Variants in UBE2E1 observed in about 807,000 individuals in gnomAD.
The protein encoded by UBE2E1 is ubiquitin conjugating enzyme E2 E1.
UBE2E1 carries 6 observed loss-of-function variants against 21.4 expected under a neutral mutation model. The observed-to-expected ratio is 0.28, with a 90% CI of 0.15 to 0.55. UBE2E1 has a LOEUF of 0.55. Ranked by LOEUF, UBE2E1 falls within the 20% of genes least tolerant of loss-of-function variation. The pLI, the probability that UBE2E1 is intolerant of heterozygous loss-of-function variation, is 0.93. For synonymous variants in UBE2E1, 87 were observed against 82.7 expected (o/e 1.05, Z -0.28); for missense variants, 142 against 236.5 (o/e 0.60, Z 2.62).
chr3:23,843,975 G>A (rs1162932393), intron 3 of UBE2E1, among the ~76,000 whole-genome samples: 1 of 152,056 alleles, frequency 6.6e-6, no homozygotes, highest in Non-Finnish European at 1.5e-5. Flanking sequence ...CTGACTTAAC[G>A]ATATCTTCTT....
In UBE2E1 at chr3:23,870,047, T is replaced by C. The variant is rs1658788984; in HGVS notation, c.204-17520T>C. ...GTTACAGGGGCTAGGACTGGAGTCATGTGAAGCCTTCCTCACTTTTACATG... is the reference window on the plus strand; with the variant it reads ...GTTACAGGGGCTAGGACTGGAGTCACGTGAAGCCTTCCTCACTTTTACATG... On this transcript the variant is annotated intron_variant, in intron 3 of 5. Coordinates refer to ENST00000306627, the MANE Select transcript of UBE2E1 (RefSeq NM_003341.5). This position sits in a 1 kb window ranked among gnomAD's most constrained non-coding sequence, Gnocchi z 4.2. Among the ~76,000 whole-genome samples the C allele has an allele frequency of 6.6e-6, 1 of 152,212 alleles. No individual in the cohort carries two copies. The highest frequency in any genetic ancestry group is 6.5e-5 in the Admixed American group (1 of 15,282).
intron 5 of UBE2E1, 36 bp from the exon 6 acceptor site, chr3:23,890,473 C>A: frequency 6.3e-7 from 1 of 1,593,178 alleles, no homozygotes; most frequent in South Asian, 1.1e-5. Context: ...ATGTTCTTTT[C>A]CTTTCTCCAA....
rs974490342 is a variant in UBE2E1, at chr3:23,863,226, A to C, written c.204-24341A>C. On this transcript the variant is annotated intron_variant, in intron 3 of 5. Transcript: ENST00000306627. This position sits in a 1 kb window ranked among gnomAD's most constrained non-coding sequence, Gnocchi z 4.3. Reference sequence around the variant, plus strand: ...TGATTCATGACAATGGATGATGACAACTTAGTTCTTTCCTACCTAGTCACA... The same window carrying C: ...TGATTCATGACAATGGATGATGACACCTTAGTTCTTTCCTACCTAGTCACA... Among the ~76,000 whole-genome samples, 1 of 152,114 alleles carries C rather than the reference A, an allele frequency of 6.6e-6. No individual in the cohort carries two copies. The highest frequency in any genetic ancestry group is 2.4e-5 in the African/African-American group (1 of 41,412).
At chr3:23,861,245 G>A (rs1390578019) in intron 3 of UBE2E1, among the ~76,000 whole-genome samples, 1 of 152,180 alleles carries the variant, frequency 6.6e-6, no homozygotes, top group Admixed American at 6.5e-5. Context: ...CAGTGCTCTT[G>A]TCCAGGTTGT....
Position 23,810,418 on chromosome 3 carries a change from CG to C in UBE2E1, c.153-1040del. 6.5e-7 allele frequency: 1 copy of C among 1,534,006 alleles called. No homozygotes were observed. Among genetic ancestry groups the C allele is most frequent in the Middle Eastern group, 1.7e-4 (1 of 5,988 alleles). On this transcript the variant is annotated intron_variant, in intron 2 of 5. Coordinates refer to ENST00000306627, the MANE Select transcript of UBE2E1 (RefSeq NM_003341.5). The surrounding 1 kb of genome is among the most constrained non-coding windows in gnomAD (Gnocchi z 5.8). Reference sequence around the variant, plus strand: ...CCCTTTGTGAAGTCGAGGGTTGGTGCGGAGGGAGAAAACTGCAGGTCTCCAG... The same window carrying C: ...CCCTTTGTGAAGTCGAGGGTTGGTGCGAGGGAGAAAACTGCAGGTCTCCAG...
intron 3 of UBE2E1, among the ~76,000 whole-genome samples, chr3:23,826,325 T>C (rs751187091): frequency 3.3e-5 from 5 of 152,262 alleles, no homozygotes; most frequent in Non-Finnish European, 7.3e-5. Flanking sequence ...TGTGAATGTT[T>C]GTAATGCATA....
intron 3 of UBE2E1, among the ~76,000 whole-genome samples, chr3:23,845,000 T>C (rs533065093): frequency 6.6e-6 from 1 of 152,262 alleles, no homozygotes; most frequent in South Asian, 2.1e-4. Flanking sequence ...TGTTCATAGA[T>C]GGTATAGGGA....
intron 3 of UBE2E1, among the ~76,000 whole-genome samples, chr3:23,874,471 G>A (rs924313993): frequency 6.6e-6 from 1 of 152,138 alleles, no homozygotes; most frequent in African/African-American, 2.4e-5. Flanking sequence ...CTAATAACCC[G>A]TTGGTATTTA....
intron 3 of UBE2E1, chr3:23,878,863 T>C (rs1454229300): frequency 3.2e-6 from 1 of 310,804 alleles, no homozygotes; most frequent in Non-Finnish European, 6.3e-6. Flanking sequence ...CTAATAGAAA[T>C]AGAGTGCACA....
chr3:23,879,227 T>C, intron 3 of UBE2E1: 1 of 861,768 alleles, frequency 1.2e-6, no homozygotes, highest in Non-Finnish European at 1.8e-6. Flanking sequence ...CATCTGTGCA[T>C]CTGGCATATG....
intron 3 of UBE2E1, among the ~76,000 whole-genome samples, chr3:23,831,518 CTTT>C (rs11430039): frequency 5.1e-5 from 7 of 137,226 alleles, no homozygotes; most frequent in African/African-American, 1.9e-4. Context: ...AAAATGAATA[CTTT>C]TTTTTTTTTT....
chr3:23,890,934 T>C lies in UBE2E1; in HGVS notation c.*328T>C, dbSNP rs1008701724. The C allele has an allele frequency of 1.0e-4, 18 of 178,142 alleles. No individual in the cohort carries two copies. The highest frequency in any genetic ancestry group is 3.8e-4 in the African/African-American group (16 of 42,550). 11.0% of individuals were successfully genotyped at this position (178,142 alleles called of 1,614,324 possible). A position where few individuals can be genotyped will look rare whatever the true frequency, so the allele number is the denominator to read the frequency against. On this transcript the variant is annotated 3_prime_UTR_variant, in exon 6 of 6. Transcript: ENST00000306627. ...CTTAATTTGGTACAGGTTACACATA[T>C]GGCCATTTATGTAAAGTCCCTCTAA...
intron 3 of UBE2E1, among the ~76,000 whole-genome samples, chr3:23,849,502 C>G (rs2125306199): frequency 6.6e-6 from 1 of 152,272 alleles, no homozygotes; most frequent in Non-Finnish European, 1.5e-5. Context: ...TGCTCTCCCT[C>G]CCCTTACCCC....
intron 3 of UBE2E1, among the ~76,000 whole-genome samples, chr3:23,833,077 T>A (rs1436433789): frequency 6.6e-6 from 1 of 152,166 alleles, no homozygotes. Flanking sequence ...TCAAGTTAAT[T>A]TTAACTATAT....
At chr3:23,862,897 T>C (rs921419527) in intron 3 of UBE2E1, among the ~76,000 whole-genome samples, 1 of 152,140 alleles carries the variant, frequency 6.6e-6, no homozygotes, top group African/African-American at 2.4e-5. Flanking sequence ...AGCTAATTTT[T>C]AAATTTTTTG....
rs1031219671 is a variant in UBE2E1, at chr3:23,842,856, A to G, written c.203+31346A>G. ...AGATGTTCAAAAGATCAAATTTTCC[A>G]TATCTCTGTAATCTAACTATAACCT... On this transcript the variant is annotated intron_variant, in intron 3 of 5. Coordinates refer to ENST00000306627, the MANE Select transcript of UBE2E1 (RefSeq NM_003341.5). The surrounding 1 kb of genome is among the most constrained non-coding windows in gnomAD (Gnocchi z 4.6). Among the ~76,000 whole-genome samples the G allele has an allele frequency of 1.3e-5, 2 of 152,168 alleles. No homozygotes were observed. Among genetic ancestry groups the G allele is most frequent in the African/African-American group, 2.4e-5 (1 of 41,436 alleles).
chr3:23,855,782 AT>A (rs1700421933), intron 3 of UBE2E1, among the ~76,000 whole-genome samples: 2 of 152,108 alleles, frequency 1.3e-5, no homozygotes, highest in Admixed American at 1.3e-4. Context: ...GTGAGCCAAG[AT>A]CATGCCACTG....
chr3:23,823,593 A>T lies in UBE2E1; in HGVS notation c.203+12083A>T, dbSNP rs1699690646. ...GTTATAAAAATTTATTTCTTAGCAGACTTTGCTACAACACATTTATCCTAA... is the reference window on the plus strand; with the variant it reads ...GTTATAAAAATTTATTTCTTAGCAGTCTTTGCTACAACACATTTATCCTAA... On this transcript the variant is annotated intron_variant, in intron 3 of 5. Transcript: ENST00000306627. This position sits in a 1 kb window ranked among gnomAD's most constrained non-coding sequence, Gnocchi z 4.2. Among the ~76,000 whole-genome samples, 2 of 152,254 alleles carry T rather than the reference A, an allele frequency of 1.3e-5. No homozygotes were observed. Among genetic ancestry groups the T allele is most frequent in the African/African-American group, 4.8e-5 (2 of 41,468 alleles).
intron 3 of UBE2E1, among the ~76,000 whole-genome samples, chr3:23,817,646 T>G (rs1459602654): frequency 6.6e-6 from 1 of 152,012 alleles, no homozygotes; most frequent in African/African-American, 2.4e-5. Flanking sequence ...CTTAGTGATC[T>G]GGGAAGGCTT....
Sources: gnomAD v4.1 joint callset for allele counts (sites outside exome capture counted in the v4.1 genomes callset) on GRCh38, gnomAD v4.1.1 for gene constraint, Gnocchi (gnomAD v3.1) non-coding constraint, MANE v1.5 for transcripts, NCBI Gene and HGNC (gene_info 2026-07-23, HGNC 2026-07-21) for gene names.